Variants in C17orf67 observed in about 807,000 individuals in gnomAD.
C17orf67 encodes uncharacterized protein C17orf67.
In C17orf67, 12 loss-of-function variants were observed where a neutral mutation model predicts 11.2. The observed-to-expected ratio is 1.07, with a 90% CI of 0.68 to 1.73. The LOEUF (loss-of-function observed/expected upper bound fraction) is 1.73. Among genes scored for constraint, C17orf67 ranks in the 40% most tolerant of loss-of-function variants. The pLI is 0.00. For synonymous variants in C17orf67, 59 were observed against 46.9 expected (o/e 1.26, Z -1.05); for missense variants, 115 against 113.5 (o/e 1.01, Z -0.06).
At chr17:56,805,455 C>T (rs1431131119) in intron 6 of C17orf67, among the ~76,000 whole-genome samples, 1 of 152,170 alleles carries the variant, frequency 6.6e-6, no homozygotes, top group Non-Finnish European at 1.5e-5. Flanking sequence ...CTCCTCCTGC[C>T]CCAGCAACAG....
At chr17:56,830,632 G>C (rs1391531492) in intron 2 of C17orf67, among the ~76,000 whole-genome samples, 1 of 150,844 alleles carries the variant, frequency 6.6e-6, no homozygotes, top group East Asian at 1.9e-4. Context: ...TTTTTTTTTT[G>C]TATTTATACA....
intron 6 of C17orf67, among the ~76,000 whole-genome samples, chr17:56,812,602 G>A (rs931931120): frequency 6.6e-6 from 1 of 152,138 alleles, no homozygotes; most frequent in Non-Finnish European, 1.5e-5. Context: ...ATGGGATGGT[G>A]GCTCAGCAAT....
chr17:56,821,541 C>G (rs1905905033), intron 4 of C17orf67, among the ~76,000 whole-genome samples: 1 of 152,152 alleles, frequency 6.6e-6, no homozygotes, highest in South Asian at 2.1e-4. Context: ...TATCTCTCAC[C>G]CAGCACCAGG....
At position 56,815,941 on chromosome 17, in the gene C17orf67, G is replaced by A. The variant is rs17220376; in HGVS notation, c.-131C>T. On this transcript the variant is annotated 5_prime_UTR_variant, in exon 5 of 8. Transcript: ENST00000397861. The stretch of plus-strand genomic sequence containing the variant: ...CGGGACTTACGGTATGATGCTGAAT[G>A]TATCTGACTCTGAGCGTTTTAGTAA... 1.0e-2 allele frequency: 15,170 copies of A among 1,518,592 alleles called. 141 individuals carry two copies. Among genetic ancestry groups the A allele is most frequent in the East Asian group, 0.051 (2,148 of 42,480 alleles). The allele number at this position is 1,518,592 out of a possible 1,614,324, so 94.1% of individuals were successfully genotyped here. A position where few individuals can be genotyped will look rare whatever the true frequency, so the allele number is the denominator to read the frequency against.
intron 4 of C17orf67, among the ~76,000 whole-genome samples, chr17:56,818,751 G>T (rs1221928325): frequency 2.0e-5 from 3 of 152,092 alleles, no homozygotes; most frequent in African/African-American, 7.2e-5. Flanking sequence ...GTCAATGAGA[G>T]ATTTTATGCC....
intron 6 of C17orf67, chr17:56,804,120 G>A (rs1033695893): frequency 6.6e-6 from 1 of 152,128 alleles, no homozygotes; most frequent in African/African-American, 2.4e-5. Flanking sequence ...ACAAAAACCA[G>A]TATCTGTGTT....
intron 7 of C17orf67, among the ~76,000 whole-genome samples, chr17:56,793,467 G>A (rs754269151): frequency 1.6e-4 from 25 of 152,188 alleles, no homozygotes; most frequent in Non-Finnish European, 3.5e-4. Flanking sequence ...AGAGGCCTCA[G>A]TCACCCTTGG....
intron 7 of C17orf67, among the ~76,000 whole-genome samples, chr17:56,794,540 C>A (rs193235326): frequency 1.3e-5 from 2 of 152,170 alleles, no homozygotes; most frequent in Admixed American, 1.3e-4. Context: ...AAAACAGAAG[C>A]CCCAGGGAAA....
intron 6 of C17orf67, among the ~76,000 whole-genome samples, chr17:56,811,124 C>T (rs750197225): frequency 1.2e-4 from 18 of 152,296 alleles, no homozygotes; most frequent in Non-Finnish European, 1.8e-4. Context: ...GCTCTTCTGT[C>T]ACATTGCAGA....
intron 6 of C17orf67, among the ~76,000 whole-genome samples, chr17:56,799,553 G>A (rs1296645688): frequency 1.3e-5 from 2 of 152,222 alleles, no homozygotes; most frequent in African/African-American, 4.8e-5. Context: ...GGCAGGTTTT[G>A]TGTGGATGTA....
intron 2 of C17orf67, among the ~76,000 whole-genome samples, chr17:56,826,726 T>C (rs1317743218): frequency 2.6e-5 from 4 of 152,226 alleles, no homozygotes; most frequent in East Asian, 1.9e-4. Flanking sequence ...AGAAAGTCTT[T>C]CTTTAATGGT....
intron 6 of C17orf67, among the ~76,000 whole-genome samples, chr17:56,807,779 G>A (rs1479062921): frequency 6.6e-6 from 1 of 151,798 alleles, no homozygotes; most frequent in Non-Finnish European, 1.5e-5. Context: ...GGGCCACTTT[G>A]TCTAAAGTAG....
chr17:56,813,370 T>C (rs1905678748), intron 6 of C17orf67, among the ~76,000 whole-genome samples: 1 of 151,896 alleles, frequency 6.6e-6, no homozygotes, highest in Non-Finnish European at 1.5e-5. Flanking sequence ...TCTCTCTGCA[T>C]TCCTTCTCAG....
Position 56,795,144 on chromosome 17 carries a change from C to A in C17orf67, c.193G>T (p.Ala65Ser). 4 of 1,614,134 alleles carry A rather than the reference C, an allele frequency of 2.5e-6. No homozygotes were observed. Among genetic ancestry groups the A allele is most frequent in the Non-Finnish European group, 2.5e-6 (3 of 1,180,028 alleles). ...CAGTGCTCCAGGAACTGCTCCTCAGCGCGATGCTCCAGGGCGAGCAGGTGG... is the reference window on the plus strand; with the variant it reads ...CAGTGCTCCAGGAACTGCTCCTCAGAGCGATGCTCCAGGGCGAGCAGGTGG... ...MHHLLALEHR[A>S]EEQFLEHWLN... The change falls in exon 7 of 8, where the codon GCT (alanine) becomes TCT (serine). Residue 65 changes from alanine to serine, a missense_variant. Coordinates refer to ENST00000397861, the MANE Select transcript of C17orf67 (RefSeq NM_001085430.4).
intron 6 of C17orf67, among the ~76,000 whole-genome samples, chr17:56,807,194 A>T (rs900942628): frequency 9.2e-5 from 14 of 152,190 alleles, no homozygotes; most frequent in Non-Finnish European, 2.1e-4. Flanking sequence ...GAATCCAGTA[A>T]AGGAAACCTA....
rs577757553 is a variant in C17orf67, at chr17:56,828,072, G to C, written c.-556-2751C>G. Among the ~76,000 whole-genome samples the C allele has an allele frequency of 4.3e-5, 6 of 140,000 alleles. No homozygotes were observed. In the East Asian group the frequency reaches 1.3e-3, roughly 31 times the overall value. The allele number at this position is 140,000 out of a possible 152,430, so 91.8% of individuals were successfully genotyped here. ...ATACAAAAATTAGCTCAGTGTACCC[G>C]CACTCCAGCCTGGCGACAGAACAAG... On this transcript the variant is annotated intron_variant, in intron 2 of 7. Transcript: ENST00000397861.
chr17:56,813,928 C>T (rs986365742), intron 6 of C17orf67, among the ~76,000 whole-genome samples: 3 of 151,962 alleles, frequency 2.0e-5, no homozygotes, highest in Admixed American at 6.6e-5. Flanking sequence ...CCAAACTTAC[C>T]CAGTTAGTAA....
intron 6 of C17orf67, among the ~76,000 whole-genome samples, chr17:56,802,265 G>A (rs929936651): frequency 1.3e-5 from 2 of 152,182 alleles, no homozygotes; most frequent in African/African-American, 2.4e-5. Context: ...TAGAAGGTAG[G>A]AGGAGGGAGA....
chr17:56,830,364 G>GA (rs1199712209), intron 2 of C17orf67, among the ~76,000 whole-genome samples: 2 of 151,210 alleles, frequency 1.3e-5, no homozygotes, highest in African/African-American at 4.9e-5. Flanking sequence ...AAAAGAAAAA[G>GA]AAAAAATTTA....
Sources: allele counts gnomAD v4.1 joint callset (sites outside exome capture counted in the v4.1 genomes callset), GRCh38; gene constraint gnomAD v4.1.1; transcripts MANE v1.5; gene names NCBI Gene and HGNC (gene_info 2026-07-23, HGNC 2026-07-21).